The following ZBTB7C variants were observed in gnomAD, a reference collection of about 807,000 sequenced individuals.
The protein encoded by ZBTB7C is zinc finger and BTB domain containing 7C.
In ZBTB7C, 8 loss-of-function variants were observed where a neutral mutation model predicts 25.7. That is an observed-to-expected ratio of 0.31 (90% CI 0.18 to 0.56). The LOEUF is 0.56. Ranked by LOEUF, ZBTB7C falls within the 20% of genes least tolerant of loss-of-function variation. ZBTB7C has a pLI of 0.91. For missense variants in ZBTB7C, 824 were observed against 855.2 expected (o/e 0.96, Z 0.46); for synonymous variants, 394 against 369.0 (o/e 1.07, Z -0.78).
intron 2 of ZBTB7C, among the ~76,000 whole-genome samples, chr18:48,213,192 G>C (rs140685153): frequency 9.9e-4 from 151 of 152,342 alleles, no homozygotes; most frequent in African/African-American, 3.4e-3. Context: ...GGGCCAGAAT[G>C]GCTTTTTGCC....
rs560100501 is a variant in ZBTB7C, at chr18:48,293,383, A to T, written c.-79+44791T>A. Among the ~76,000 whole-genome samples the T allele has an allele frequency of 2.6e-5, 4 of 152,290 alleles. No homozygotes were observed. The East Asian group carries it at 5.8e-4, about 22-fold the overall frequency. On this transcript the variant is annotated intron_variant, in intron 2 of 4. Transcript: ENST00000590800. The stretch of plus-strand genomic sequence containing the variant: ...TCACCTCTCAAATGCTCCATCCCCA[A>T]ATATCATCACATTAGGAATTAGGGT...
chr18:48,162,443 G>A (rs963695425), intron 3 of ZBTB7C: 2 of 454,902 alleles, frequency 4.4e-6, no homozygotes, highest in Middle Eastern at 3.3e-4. Flanking sequence ...TGAGTGCTGC[G>A]GTTTGGTGCC....
At chr18:48,089,487 A>G (rs1174135744) in intron 3 of ZBTB7C, among the ~76,000 whole-genome samples, 2 of 151,810 alleles carry the variant, frequency 1.3e-5, no homozygotes, top group Non-Finnish European at 2.9e-5. Flanking sequence ...TCGAAAAAAA[A>G]AAAAAAAAGA....
At chr18:48,340,581 C>A (rs1224803169) in intron 1 of ZBTB7C, among the ~76,000 whole-genome samples, 1 of 152,198 alleles carries the variant, frequency 6.6e-6, no homozygotes, top group African/African-American at 2.4e-5. Flanking sequence ...CATCCCACCC[C>A]GACTGGCTGC....
rs189461850 is a variant in ZBTB7C at position 48,164,295 on chromosome 18, G to T, written c.-17+21639C>A. On this transcript the variant is annotated intron_variant, in intron 3 of 4. Transcript: ENST00000590800. ...CCGGTCCCAGCAACAAGCGGGAGAG[G>T]AGCATGTGGCCGCAACACAACCACA... Among the ~76,000 whole-genome samples the T allele has an allele frequency of 2.4e-4, 37 of 152,250 alleles. No homozygotes were observed. The East Asian group carries it at 6.4e-3, about 26-fold the overall frequency.
chr18:48,364,657 T>A (rs1014511890), intron 1 of ZBTB7C, among the ~76,000 whole-genome samples: 5 of 152,118 alleles, frequency 3.3e-5, no homozygotes, highest in African/African-American at 1.2e-4. Context: ...CATTAAATGG[T>A]TCAAATTCAG....
At chr18:48,382,943 G>A (rs2047665492) in intron 1 of ZBTB7C, among the ~76,000 whole-genome samples, 1 of 152,132 alleles carries the variant, frequency 6.6e-6, no homozygotes, top group Non-Finnish European at 1.5e-5. Flanking sequence ...AAAGTGACAG[G>A]CAACATAAAC....
intron 1 of ZBTB7C, among the ~76,000 whole-genome samples, chr18:48,395,984 T>C (rs1244018525): frequency 6.6e-6 from 1 of 152,200 alleles, no homozygotes; most frequent in Admixed American, 6.5e-5. Context: ...TGCATCAGAA[T>C]CTGTCACAAG....
chr18:48,360,177 C>CAAT (rs1209269231), intron 1 of ZBTB7C, among the ~76,000 whole-genome samples: 2 of 152,232 alleles, frequency 1.3e-5, no homozygotes, highest in Non-Finnish European at 2.9e-5. Flanking sequence ...AATACTACAA[C>CAAT]AATATGACAC....
intron 3 of ZBTB7C, among the ~76,000 whole-genome samples, chr18:48,151,486 C>T (rs8088341): frequency 0.021 from 3,123 of 152,146 alleles, 113 homozygotes; most frequent in African/African-American, 0.072. Context: ...CAAAAGAGTC[C>T]GTCTCACCAC....
chr18:48,306,176 A>C (rs1401470439), intron 2 of ZBTB7C, among the ~76,000 whole-genome samples: 1 of 152,190 alleles, frequency 6.6e-6, no homozygotes, highest in African/African-American at 2.4e-5. Flanking sequence ...TGCTATGTAG[A>C]CACCTCCTTT....
intron 3 of ZBTB7C, among the ~76,000 whole-genome samples, chr18:48,057,797 C>T (rs2036974130): frequency 6.6e-6 from 1 of 152,208 alleles, no homozygotes; most frequent in African/African-American, 2.4e-5. Flanking sequence ...GAATTAATGA[C>T]ACTGGCTGTC....
Position 48,028,998 on chromosome 18 carries a change from A to C in ZBTB7C, c.*262T>G. ...GTTCTTTGTGGCATGGGCCGGTGCA[A>C]GTTTCTATATGAGAGCCAGAGAGAC... On this transcript the variant is annotated 3_prime_UTR_variant, in exon 5 of 5. Transcript: ENST00000590800. 7 of 472,372 alleles carry C rather than the reference A, an allele frequency of 1.5e-5. No individual in the cohort carries two copies. The highest frequency in any genetic ancestry group is 1.5e-5 in the Non-Finnish European group (4 of 275,456). The allele number at this position is 472,372 out of a possible 1,614,324, so 29.3% of individuals were successfully genotyped here. A position where few individuals can be genotyped will look rare whatever the true frequency, so the allele number is the denominator to read the frequency against.
chr18:48,332,894 C>T (rs1355814593), intron 2 of ZBTB7C, among the ~76,000 whole-genome samples: 1 of 151,986 alleles, frequency 6.6e-6, no homozygotes, highest in Non-Finnish European at 1.5e-5. Flanking sequence ...GATAAATATG[C>T]ATCCCAAATT....
At chr18:48,353,968 C>G (rs1373599484) in intron 1 of ZBTB7C, among the ~76,000 whole-genome samples, 2 of 152,194 alleles carry the variant, frequency 1.3e-5, no homozygotes, top group Non-Finnish European at 2.9e-5. Context: ...TCTAAATCAC[C>G]TCCTTAGGTT....
chr18:48,127,293 C>A (rs57710082), intron 3 of ZBTB7C, among the ~76,000 whole-genome samples: 23,731 of 152,194 alleles, frequency 0.16, 1,969 homozygotes, highest in South Asian at 0.23. Context: ...GCTCAGAGCA[C>A]CTCCCTGAAG....
intron 2 of ZBTB7C, among the ~76,000 whole-genome samples, chr18:48,230,713 G>A (rs1032276427): frequency 2.6e-5 from 4 of 152,202 alleles, no homozygotes; most frequent in African/African-American, 7.2e-5. Context: ...AGTCCAAGGC[G>A]AAAGGGCAGC....
chr18:48,375,666 G>A (rs994304723), intron 1 of ZBTB7C: 2 of 152,264 alleles, frequency 1.3e-5, no homozygotes, highest in Non-Finnish European at 2.9e-5. Context: ...ATGCTGTCCT[G>A]TCTGGGCAAG....
chr18:48,186,722 C>A (rs1199746626), intron 2 of ZBTB7C, among the ~76,000 whole-genome samples: 2 of 151,792 alleles, frequency 1.3e-5, no homozygotes, highest in Non-Finnish European at 2.9e-5. Context: ...TGCTTCAAGA[C>A]AGGATGCCCT....
Sources: gnomAD v4.1 joint callset for allele counts (sites outside exome capture counted in the v4.1 genomes callset) on GRCh38, gnomAD v4.1.1 for gene constraint, MANE v1.5 for transcripts, NCBI Gene and HGNC (gene_info 2026-07-23, HGNC 2026-07-21) for gene names.